The following AKAP6 variants were observed in gnomAD, a reference collection of about 807,000 sequenced individuals.
AKAP6 encodes A-kinase anchoring protein 6.
AKAP6 carries 58 observed loss-of-function variants against 188.5 expected under a neutral mutation model. That is an observed-to-expected ratio of 0.31 (90% CI 0.25 to 0.38). The LOEUF (loss-of-function observed/expected upper bound fraction) is 0.38. AKAP6 is among the 10% of genes least tolerant of loss of function. The pLI is 1.00. For missense variants in AKAP6, 2,710 were observed against 2,740.0 expected (o/e 0.99, Z 0.24); for synonymous variants, 989 against 998.6 (o/e 0.99, Z 0.18).
In AKAP6 at chr14:32,666,731, G is replaced by A. The variant is rs978879296; in HGVS notation, c.2731-11580G>A. Reference sequence around the variant, plus strand: ...GTCATATATAAGATTTTTTAATGAGGATATCTTACATTTTTGGTGCTTGCA... The same window carrying A: ...GTCATATATAAGATTTTTTAATGAGAATATCTTACATTTTTGGTGCTTGCA... On this transcript the variant is annotated intron_variant, in intron 7 of 13. Transcript: ENST00000280979. Among the ~76,000 whole-genome samples the A allele has an allele frequency of 3.3e-5, 5 of 151,860 alleles. No individual in the cohort carries two copies. In the East Asian group the frequency reaches 9.7e-4, roughly 29 times the overall value.
intron 4 of AKAP6, among the ~76,000 whole-genome samples, chr14:32,555,938 A>G (rs1304817820): frequency 6.6e-6 from 1 of 150,786 alleles, no homozygotes; most frequent in Non-Finnish European, 1.5e-5. Flanking sequence ...CCCTGCTTTC[A>G]GTTCTTTTGG....
intron 2 of AKAP6, among the ~76,000 whole-genome samples, chr14:32,505,966 G>C (rs1253263492): frequency 2.6e-5 from 4 of 151,906 alleles, no homozygotes; most frequent in Admixed American, 1.3e-4. Context: ...GGTTAAGCTG[G>C]GTATTAATCT....
intron 3 of AKAP6, among the ~76,000 whole-genome samples, chr14:32,542,913 T>C (rs1195221847): frequency 6.6e-6 from 1 of 152,220 alleles, no homozygotes; most frequent in Non-Finnish European, 1.5e-5. Flanking sequence ...TTGTTTTTAT[T>C]ATTTTTAATT....
intron 4 of AKAP6, among the ~76,000 whole-genome samples, chr14:32,575,087 A>G (rs777540337): frequency 2.0e-4 from 31 of 152,290 alleles, no homozygotes; most frequent in Middle Eastern, 6.8e-3. Flanking sequence ...TTTTGAACAC[A>G]TGGGACACTC....
In AKAP6 at chr14:32,824,444, G is replaced by C; in HGVS notation, c.6631G>C (p.Val2211Leu). 1 of 1,613,968 alleles carries C rather than the reference G, an allele frequency of 6.2e-7. No individual in the cohort carries two copies. Among genetic ancestry groups the C allele is most frequent in the Non-Finnish European group, 8.5e-7 (1 of 1,179,952 alleles). The change falls in exon 13 of 14, where the codon GTG becomes CTG. Residue 2211 changes from valine (V) to leucine (L), a missense_variant. Coordinates refer to ENST00000280979, the MANE Select transcript of AKAP6 (RefSeq NM_004274.5). ...TCTTTCAGCTGATGATGCAGATACAGTGGCTCTTTCAAGTCCTTCCTCTCA... is the reference window on the plus strand; with the variant it reads ...TCTTTCAGCTGATGATGCAGATACACTGGCTCTTTCAAGTCCTTCCTCTCA... ...SSLSADDADT[V>L]ALSSPSSQER...
intron 7 of AKAP6, among the ~76,000 whole-genome samples, chr14:32,615,448 A>AT (rs1374206190): frequency 6.6e-6 from 1 of 150,762 alleles, no homozygotes; most frequent in African/African-American, 2.4e-5. Flanking sequence ...TGGAGCTGAA[A>AT]TTTTCTGTTA....
intron 4 of AKAP6, among the ~76,000 whole-genome samples, chr14:32,551,642 T>G (rs190468291): frequency 4.2e-4 from 62 of 148,954 alleles, no homozygotes; most frequent in Admixed American, 2.9e-3. Flanking sequence ...ATTCTGTAAT[T>G]TTTGTTTGTT....
At chr14:32,705,666 C>T (rs979501791) in intron 9 of AKAP6, among the ~76,000 whole-genome samples, 4 of 152,112 alleles carry the variant, frequency 2.6e-5, no homozygotes, top group Non-Finnish European at 4.4e-5. Context: ...TAAAAAGGCA[C>T]AGAACTTGTC....
intron 11 of AKAP6, among the ~76,000 whole-genome samples, chr14:32,768,954 A>G (rs1418811705): frequency 5.9e-5 from 9 of 151,680 alleles, no homozygotes; most frequent in African/African-American, 2.2e-4. Flanking sequence ...AAATCTGGTC[A>G]TAGGTAGCAG....
chr14:32,604,999 A>G (rs180748317), intron 7 of AKAP6, among the ~76,000 whole-genome samples: 4 of 152,098 alleles, frequency 2.6e-5, no homozygotes, highest in African/African-American at 9.6e-5. Flanking sequence ...GACAGGCCCC[A>G]GTGTGTGTTG....
Position 32,821,651 on chromosome 14 carries a change from C to T in AKAP6, c.3838C>T (p.Pro1280Ser). 2 of 1,613,620 alleles carry T rather than the reference C, an allele frequency of 1.2e-6. No homozygotes were observed. Among genetic ancestry groups the T allele is most frequent in the South Asian group, 1.1e-5 (1 of 91,060 alleles). ...GSQYASNITA[P>S]SSPHIYQVYS... is the part of the protein sequence containing the mutation. ...TCAGTATGCCTCAAATATTACTGCC[C>T]CCTCTAGTCCACACATTTACCAGGT... The change falls in exon 13 of 14, where the codon CCC (proline) becomes TCC (serine). Residue 1280 changes from proline to serine, a missense_variant. Transcript: ENST00000280979.
chr14:32,540,780 G>A (rs1221564997), intron 3 of AKAP6, among the ~76,000 whole-genome samples: 1 of 151,818 alleles, frequency 6.6e-6, no homozygotes, highest in African/African-American at 2.4e-5. Context: ...CATCTGCTCT[G>A]AGAAACTTTA....
chr14:32,783,918 C>A (rs1400913987), intron 12 of AKAP6, among the ~76,000 whole-genome samples: 1 of 152,040 alleles, frequency 6.6e-6, no homozygotes, highest in Non-Finnish European at 1.5e-5. Context: ...TATGCAGCCA[C>A]CTTTAAATCA....
intron 1 of AKAP6, among the ~76,000 whole-genome samples, chr14:32,330,126 A>T (rs2138378876): frequency 6.6e-6 from 1 of 152,228 alleles, no homozygotes; most frequent in East Asian, 1.9e-4. Flanking sequence ...TGAGAAAGGA[A>T]CAAGTCTCCT....
intron 2 of AKAP6, among the ~76,000 whole-genome samples, chr14:32,498,914 C>A (rs1880463508): frequency 6.6e-6 from 1 of 152,068 alleles, no homozygotes; most frequent in Non-Finnish European, 1.5e-5. Flanking sequence ...ACTTCACTTA[C>A]CTTGTAATCA....
At chr14:32,374,611 C>T (rs539300337) in intron 1 of AKAP6, among the ~76,000 whole-genome samples, 2 of 152,048 alleles carry the variant, frequency 1.3e-5, no homozygotes, top group South Asian at 2.1e-4. Flanking sequence ...TGTAGACAAC[C>T]CGGAGCCTTC....
At chr14:32,485,695 T>G (rs1177772367) in intron 2 of AKAP6, among the ~76,000 whole-genome samples, 1 of 152,224 alleles carries the variant, frequency 6.6e-6, no homozygotes, top group Non-Finnish European at 1.5e-5. Flanking sequence ...TTTAAGTTCC[T>G]TGTAGATTCT....
chr14:32,808,922 G>A (rs1432070092), intron 12 of AKAP6, among the ~76,000 whole-genome samples: 3 of 152,282 alleles, frequency 2.0e-5, no homozygotes, highest in South Asian at 2.1e-4. Context: ...CCAAAATGGG[G>A]CTGCTTCAGG....
chr14:32,556,282 C>T (rs1883683906), intron 4 of AKAP6, among the ~76,000 whole-genome samples: 1 of 152,076 alleles, frequency 6.6e-6, no homozygotes, highest in Non-Finnish European at 1.5e-5. Context: ...ATCCATTACC[C>T]ATATTTTAAT....
Sources: gnomAD v4.1 joint callset for allele counts (sites outside exome capture counted in the v4.1 genomes callset) on GRCh38, gnomAD v4.1.1 for gene constraint, MANE v1.5 for transcripts, NCBI Gene and HGNC (gene_info 2026-07-23, HGNC 2026-07-21) for gene names.